ABAT: variants seen among roughly 807,000 people sequenced by gnomAD.
The protein encoded by ABAT is 4-aminobutyrate aminotransferase, also known as 4-aminobutyrate aminotransferase, mitochondrial.
A neutral mutation model predicts 64.6 loss-of-function variants in ABAT; 45 were observed. That is an observed-to-expected ratio of 0.70 (90% CI 0.55 to 0.89). The LOEUF (loss-of-function observed/expected upper bound fraction) is 0.89. ABAT is among the 40% of genes least tolerant of loss of function. The probability of loss-of-function intolerance (pLI) is 0.00; values close to 1 mark genes in which losing one functional copy is unlikely to be tolerated. For missense variants in ABAT, 633 were observed against 658.4 expected (o/e 0.96, Z 0.42); for synonymous variants, 297 against 250.5 (o/e 1.19, Z -1.75).
rs1212042343 is a variant in ABAT at position 8,705,207 on chromosome 16, C to T, written c.-41-30492C>T. The stretch of plus-strand genomic sequence containing the variant: ...TGGCTGGGAGGCCTCAGGAAATTTA[C>T]AATCATGGCAGAAAGTGAAGGGGAA... On this transcript the variant is annotated intron_variant, in intron 1 of 15. Coordinates refer to ENST00000268251, the MANE Select transcript of ABAT (RefSeq NM_020686.6). Among the ~76,000 whole-genome samples, 2 of 152,060 alleles carry T rather than the reference C, an allele frequency of 1.3e-5. 1 individual carries two copies. The highest frequency in any genetic ancestry group is 3.8e-4 in the East Asian group (2 of 5,198).
chr16:8,769,557 CAAAAAAAAAAAAAAAAAAAAAAGAGAG>C lies in ABAT; in HGVS notation c.816+586_816+612del, dbSNP rs756639716. ...CTGGGTAACGGAGTGAGACTCTGTC[CAAAAAAAAAAAAAAAAAAAAAAGAGAG>C]AGAGAGAAAGAAAGAATATGGGATA... On this transcript the variant is annotated intron_variant, in intron 11 of 15. Coordinates refer to ENST00000268251, the MANE Select transcript of ABAT (RefSeq NM_020686.6). Among the ~76,000 whole-genome samples the C allele has an allele frequency of 6.8e-3, 592 of 86,782 alleles. 3 individuals carry two copies. Among genetic ancestry groups the C allele is most frequent in the African/African-American group, 0.015 (331 of 22,150 alleles). The allele number at this position is 86,782 out of a possible 152,430, so 56.9% of individuals were successfully genotyped here.
At chr16:8,693,104 C>T (rs2313548) in intron 1 of ABAT, among the ~76,000 whole-genome samples, 45,140 of 152,036 alleles carry the variant, frequency 0.3, 7,117 homozygotes, top group East Asian at 0.62. Context: ...ATCCACCTGC[C>T]TCAGACTCCC....
At chr16:8,712,914 T>G (rs534209328) in intron 1 of ABAT, 1 of 152,470 alleles carries the variant, frequency 6.6e-6, no homozygotes, top group East Asian at 1.9e-4. Context: ...TGGTAACTGA[T>G]GAGCAGCATG....
rs75151311 is a variant in ABAT at position 8,746,110 on chromosome 16, A to G, written c.168+12A>G. Reference sequence around the variant, plus strand: ...GGCCTAGATCTCAGGTGAGTTGAGCACACCTGAGTGGGGTATTTTGGAAAA... The same window carrying G: ...GGCCTAGATCTCAGGTGAGTTGAGCGCACCTGAGTGGGGTATTTTGGAAAA... On this transcript the variant is annotated intron_variant, in intron 3 of 15. Coordinates refer to ENST00000268251, the MANE Select transcript of ABAT (RefSeq NM_020686.6). 0.01 allele frequency: 16,369 copies of G among 1,601,640 alleles called. 251 individuals are homozygous for G. The highest frequency in any genetic ancestry group is 0.064 in the Admixed American group (3,865 of 59,970).
chr16:8,753,261 T>A (rs1483664262), intron 5 of ABAT, among the ~76,000 whole-genome samples: 4 of 152,094 alleles, frequency 2.6e-5, no homozygotes, highest in African/African-American at 4.8e-5. Flanking sequence ...GCCTGGCTAC[T>A]TTTTTTTGTA....
At chr16:8,705,922 A>T (rs995773678) in intron 1 of ABAT, among the ~76,000 whole-genome samples, 8 of 152,186 alleles carry the variant, frequency 5.3e-5, no homozygotes, top group African/African-American at 1.9e-4. Context: ...ATGAATTTGC[A>T]CACAGTGGAA....
At chr16:8,753,811 A>G (rs1297289188) in intron 5 of ABAT, among the ~76,000 whole-genome samples, 1 of 152,118 alleles carries the variant, frequency 6.6e-6, no homozygotes, top group Non-Finnish European at 1.5e-5. Flanking sequence ...AGGCTGTCTC[A>G]TCCGTCTTCT....
intron 2 of ABAT, chr16:8,736,523 A>C (rs2058942697): frequency 1.3e-5 from 2 of 152,480 alleles, no homozygotes; most frequent in South Asian, 4.1e-4. Flanking sequence ...CTAAGGAACA[A>C]AGAAAGCCAT....
chr16:8,735,612 TTAGGTGGGAA>T, intron 1 of ABAT, 77 bp from the exon 2 acceptor site: 1 of 1,055,852 alleles, frequency 9.5e-7, no homozygotes, highest in Non-Finnish European at 1.4e-6. Flanking sequence ...ACTTTCTCTA[TTAGGTGGGAA>T]GTGGTGGGGA....
At chr16:8,686,135 G>A (rs2057450661) in intron 1 of ABAT, among the ~76,000 whole-genome samples, 1 of 152,100 alleles carries the variant, frequency 6.6e-6, no homozygotes, top group Admixed American at 6.5e-5. Flanking sequence ...TTGTGCACGG[G>A]AACAAAGCCT....
In ABAT at chr16:8,776,224, T is replaced by C. The variant is rs909908041; in HGVS notation, c.1123-120T>C. 1.2e-5 allele frequency: 17 copies of C among 1,387,222 alleles called. No individual in the cohort carries two copies. The highest frequency in any genetic ancestry group is 1.6e-5 in the Non-Finnish European group (16 of 988,170). 85.9% of individuals were successfully genotyped at this position (1,387,222 alleles called of 1,614,324 possible). ...GGTGTGTTCCCCTGCCAGCCTCTGG[T>C]AGATGCCCACTAGATTAGTTTCTCT... On this transcript the variant is annotated intron_variant, in intron 13 of 15. Transcript: ENST00000268251. This position sits in a 1 kb window ranked among gnomAD's most constrained non-coding sequence, Gnocchi z 4.4.
In ABAT at chr16:8,704,192, A is replaced by C. The variant is rs7196194; in HGVS notation, c.-42+29481A>C. On this transcript the variant is annotated intron_variant, in intron 1 of 15. Coordinates refer to ENST00000268251, the MANE Select transcript of ABAT (RefSeq NM_020686.6). Reference sequence around the variant, plus strand: ...AACTAGAATCAAATTTGACTGGTTCAATGCTAGAAAGCTAATGTCCTTTTT... The same window carrying C: ...AACTAGAATCAAATTTGACTGGTTCCATGCTAGAAAGCTAATGTCCTTTTT... Among the ~76,000 whole-genome samples the C allele has an allele frequency of 9.6e-3, 1,467 of 152,366 alleles. 29 individuals are homozygous for C. The highest frequency in any genetic ancestry group is 0.033 in the African/African-American group (1,362 of 41,580).
At chr16:8,769,107 G>C in intron 11 of ABAT, 134 bp downstream of exon 11, 1 of 1,240,562 alleles carries the variant, frequency 8.1e-7, no homozygotes, top group Non-Finnish European at 1.2e-6. Flanking sequence ...AGGGAAGCAG[G>C]GACACAGAGG....
At chr16:8,770,203 T>A (rs1410923594) in intron 11 of ABAT, among the ~76,000 whole-genome samples, 2 of 152,218 alleles carry the variant, frequency 1.3e-5, no homozygotes, top group African/African-American at 4.8e-5. Flanking sequence ...AGTGGCGCGA[T>A]CTCAGCTCAC....
chr16:8,755,136 T>C (rs988538552), intron 5 of ABAT, among the ~76,000 whole-genome samples: 1 of 149,918 alleles, frequency 6.7e-6, no homozygotes, highest in Non-Finnish European at 1.5e-5. Context: ...GTTGATTCGT[T>C]TTTGTTTTTT....
At chr16:8,704,588 TC>T (rs144747483) in intron 1 of ABAT, among the ~76,000 whole-genome samples, 6,537 of 152,320 alleles carry the variant, frequency 0.043, 177 homozygotes, top group South Asian at 0.1. Flanking sequence ...AAAACACATG[TC>T]TTTCCAGCCT....
intron 1 of ABAT, among the ~76,000 whole-genome samples, chr16:8,717,063 G>T (rs1392258873): frequency 6.6e-6 from 1 of 152,228 alleles, no homozygotes; most frequent in Non-Finnish European, 1.5e-5. Flanking sequence ...GCCAAGGCGG[G>T]TGGATCACTT....
At chr16:8,714,647 A>C (rs1451456109) in intron 1 of ABAT, 1 of 152,498 alleles carries the variant, frequency 6.6e-6, no homozygotes, top group African/African-American at 2.4e-5. Flanking sequence ...TGGTGTGTGC[A>C]AGCTGGCAGC....
At chr16:8,753,288 G>C (rs181900046) in intron 5 of ABAT, among the ~76,000 whole-genome samples, 1 of 151,922 alleles carries the variant, frequency 6.6e-6, no homozygotes, top group African/African-American at 2.4e-5. Flanking sequence ...GTAGAGACGG[G>C]GTTTCACCGT....
Sources: allele counts gnomAD v4.1 joint callset (sites outside exome capture counted in the v4.1 genomes callset), GRCh38; gene constraint gnomAD v4.1.1; non-coding constraint Gnocchi (gnomAD v3.1); transcripts MANE v1.5; gene names NCBI Gene and HGNC (gene_info 2026-07-23, HGNC 2026-07-21).